Variants in PDIA4 observed in about 807,000 individuals in gnomAD.
PDIA4 encodes the protein protein disulfide isomerase family A member 4, also known as protein disulfide-isomerase A4.
In PDIA4, 33 loss-of-function variants were observed where a neutral mutation model predicts 62.1. The observed-to-expected ratio is 0.53, with a 90% confidence interval of 0.40 to 0.71. The LOEUF (loss-of-function observed/expected upper bound fraction) is 0.71. Among genes scored for constraint, PDIA4 ranks in the 30% least tolerant of loss-of-function variants. PDIA4 has a pLI of 0.00. For synonymous variants in PDIA4, 341 were observed against 324.1 expected (o/e 1.05, Z -0.56); for missense variants, 804 against 813.6 (o/e 0.99, Z 0.14).
intron 4 of PDIA4, among the ~76,000 whole-genome samples, chr7:149,014,041 C>T (rs1211276299): frequency 6.6e-6 from 1 of 152,194 alleles, no homozygotes; most frequent in African/African-American, 2.4e-5. Context: ...TTCCTTCTCT[C>T]CCAGATCATT....
chr7:149,008,060 G>A, intron 7 of PDIA4, 99 bp downstream of exon 7: 1 of 1,167,336 alleles, frequency 8.6e-7, no homozygotes, highest in Non-Finnish European at 1.2e-6. Context: ...CTGCAGACAA[G>A]AGCGAAACCT....
At chr7:149,012,711 C>T (rs1476396400) in intron 4 of PDIA4, among the ~76,000 whole-genome samples, 2 of 152,096 alleles carry the variant, frequency 1.3e-5, no homozygotes, top group African/African-American at 4.8e-5. Context: ...TGGGGGCCAG[C>T]AAGGATGTAA....
intron 9 of PDIA4, among the ~76,000 whole-genome samples, chr7:149,004,884 G>A (rs1342172580): frequency 1.3e-5 from 2 of 152,214 alleles, no homozygotes; most frequent in Non-Finnish European, 2.9e-5. Context: ...AGTAAACACT[G>A]GGAGAACTGC....
intron 1 of PDIA4, among the ~76,000 whole-genome samples, chr7:149,024,893 G>A (rs1313984925): frequency 6.7e-6 from 1 of 149,640 alleles, no homozygotes; most frequent in Non-Finnish European, 1.5e-5. Flanking sequence ...GGGAGGCCGA[G>A]GCAAGCGGAT....
intron 4 of PDIA4, among the ~76,000 whole-genome samples, chr7:149,013,813 G>A (rs986763785): frequency 6.6e-6 from 1 of 152,090 alleles, no homozygotes; most frequent in Admixed American, 6.5e-5. Context: ...CAGGGAAATC[G>A]CACTACACTC....
chr7:149,011,569 A>G (rs1823944890), intron 6 of PDIA4, among the ~76,000 whole-genome samples: 1 of 152,168 alleles, frequency 6.6e-6, no homozygotes, highest in Non-Finnish European at 1.5e-5. Flanking sequence ...CCGGCACCTT[A>G]TGGCCTGAAG....
chr7:149,021,280 G>C (rs1319846647), intron 1 of PDIA4, 133 bp from the exon 2 acceptor site: 2 of 803,690 alleles, frequency 2.5e-6, no homozygotes, highest in Middle Eastern at 3.1e-4. Flanking sequence ...CACGAGGTCA[G>C]GAGTTCAAGA....
chr7:149,004,235 G>A (rs765310071), intron 9 of PDIA4, 26 bp from the exon 10 acceptor site: 1 of 1,595,410 alleles, frequency 6.3e-7, no homozygotes, highest in Admixed American at 1.7e-5. Flanking sequence ...AGGCGGGAGG[G>A]GGCGTCAGTG....
rs754736434 is a variant in PDIA4, at chr7:149,011,826, C to T, written c.979+20G>A. 2.6e-6 allele frequency: 4 copies of T among 1,543,736 alleles called. No homozygotes were observed. Among genetic ancestry groups the T allele is most frequent in the Middle Eastern group, 1.8e-4 (1 of 5,704 alleles). On this transcript the variant is annotated intron_variant, in intron 6 of 9. Transcript: ENST00000652332. ...CCCAAGGCACGCACATTTTGTTCAG[C>T]CCAGAGGGCCACAACTCACCGGCAT...
chr7:149,005,631 C>A (rs985374030), intron 8 of PDIA4, among the ~76,000 whole-genome samples: 1 of 152,234 alleles, frequency 6.6e-6, no homozygotes, highest in African/African-American at 2.4e-5. Flanking sequence ...GGTCTAGTCC[C>A]AGCTCTGCAG....
chr7:149,027,610 T>C (rs916017247), intron 1 of PDIA4, among the ~76,000 whole-genome samples: 2 of 152,196 alleles, frequency 1.3e-5, no homozygotes, highest in Non-Finnish European at 2.9e-5. Context: ...TGTCTGCAGC[T>C]AGCTCACTTC....
intron 6 of PDIA4, among the ~76,000 whole-genome samples, chr7:149,010,838 G>A (rs2129504458): frequency 6.6e-6 from 1 of 152,310 alleles, no homozygotes. Flanking sequence ...CCACAGCACT[G>A]GAACCTGCAT....
Position 149,021,260 on chromosome 7 carries a change from G to A in PDIA4, c.89-113C>T. On this transcript the variant is annotated intron_variant, in intron 1 of 9. Transcript: ENST00000652332. ...AATCCCAGCACTTTGGGAGGCTGAG[G>A]TGGGCGGATCACGAGGTCAGGAGTT... The A allele has an allele frequency of 3.0e-6, 3 of 1,006,452 alleles. No homozygotes were observed. The South Asian group carries it at 4.9e-5, about 17-fold the overall frequency. The allele number at this position is 1,006,452 out of a possible 1,614,324, so 62.3% of individuals were successfully genotyped here.
At chr7:149,004,864 T>G (rs1047747796) in intron 9 of PDIA4, among the ~76,000 whole-genome samples, 5 of 152,220 alleles carry the variant, frequency 3.3e-5, no homozygotes, top group African/African-American at 1.2e-4. Context: ...AATCTTGCTT[T>G]TGCTTTCAAA....
intron 4 of PDIA4, among the ~76,000 whole-genome samples, chr7:149,012,747 T>C (rs949930493): frequency 1.3e-5 from 2 of 151,572 alleles, no homozygotes; most frequent in Non-Finnish European, 2.9e-5. Flanking sequence ...AGAGGAGGAG[T>C]AGCAGTGGAG....
chr7:149,015,054 C>G lies in PDIA4; in HGVS notation c.476-12G>C. 1 of 1,613,962 alleles carries G rather than the reference C, an allele frequency of 6.2e-7. No individual in the cohort carries two copies. Among genetic ancestry groups the G allele is most frequent in the Non-Finnish European group, 8.5e-7 (1 of 1,179,944 alleles). On this transcript the variant is annotated splice_polypyrimidine_tract_variant and intron_variant, in intron 3 of 9. Coordinates refer to ENST00000652332, the MANE Select transcript of PDIA4 (RefSeq NM_004911.5). The stretch of plus-strand genomic sequence containing the variant: ...CTTGGCAACAATTTCTGAAAGAAAC[C>G]AAGCAAGACTGAGCACACAAGGCCC...
chr7:149,015,327 G>C (rs917240032), intron 3 of PDIA4, among the ~76,000 whole-genome samples: 3 of 152,052 alleles, frequency 2.0e-5, no homozygotes, highest in African/African-American at 7.2e-5. Flanking sequence ...TTTACCATCA[G>C]GCTATGGTAC....
chr7:149,009,289 T>G (rs78291109), intron 6 of PDIA4, among the ~76,000 whole-genome samples: 5,550 of 152,082 alleles, frequency 0.036, 167 homozygotes, highest in Non-Finnish European at 0.059. Flanking sequence ...TCTATAAAGA[T>G]AAAATAAATA....
chr7:149,010,229 G>A (rs190454312), intron 6 of PDIA4, among the ~76,000 whole-genome samples: 8 of 152,308 alleles, frequency 5.3e-5, no homozygotes, highest in Middle Eastern at 3.4e-3. Context: ...GCTGGGTGCT[G>A]TGGTTCATGT....
Sources: gnomAD v4.1 joint callset for allele counts (sites outside exome capture counted in the v4.1 genomes callset) on GRCh38, gnomAD v4.1.1 for gene constraint, MANE v1.5 for transcripts, NCBI Gene and HGNC (gene_info 2026-07-23, HGNC 2026-07-21) for gene names.